Variants in ARHGEF10 observed in about 807,000 individuals in gnomAD.
ARHGEF10 encodes Rho guanine nucleotide exchange factor 10, also known as Rho guanine nucleotide exchange factor (GEF) 10.
Under a neutral mutation model 147.4 loss-of-function variants are expected in ARHGEF10, and 140 were observed. The observed-to-expected ratio is 0.95, with a 90% confidence interval of 0.83 to 1.09. ARHGEF10 has a LOEUF of 1.09. ARHGEF10 is among the 50% of genes least tolerant of loss of function. The pLI is 0.00. For synonymous variants in ARHGEF10, 902 were observed against 695.8 expected (o/e 1.30, Z -4.67); for missense variants, 2,222 against 1,752.7 (o/e 1.27, Z -4.78).
intron 2 of ARHGEF10, among the ~76,000 whole-genome samples, chr8:1,844,465 T>TCCCTGGGGCCTGGTGGACGACAGG (rs1329433075): frequency 6.6e-6 from 1 of 151,356 alleles, no homozygotes; most frequent in Non-Finnish European, 1.5e-5. Flanking sequence ...AATCCAGGGG[T>TCCCTGGGGCCTGGTGGACGACAGG]GAGCAGTGGC....
chr8:1,884,431 C>G (rs148774794), intron 10 of ARHGEF10, among the ~76,000 whole-genome samples: 2 of 152,110 alleles, frequency 1.3e-5, no homozygotes, highest in East Asian at 3.9e-4. Flanking sequence ...CCCTAACCTC[C>G]CAACCCGAGT....
At chr8:1,910,589 G>A (rs996698614) in intron 18 of ARHGEF10, among the ~76,000 whole-genome samples, 3 of 152,188 alleles carry the variant, frequency 2.0e-5, no homozygotes, top group Admixed American at 6.5e-5. Context: ...CTGTTCTGGG[G>A]GGTGGTATGG....
intron 1 of ARHGEF10, among the ~76,000 whole-genome samples, chr8:1,839,736 A>G (rs1316323554): frequency 1.0e-4 from 8 of 77,822 alleles, no homozygotes; most frequent in South Asian, 4.8e-4. Flanking sequence ...CCGGTGTGGA[A>G]GCTGTCTGGT....
intron 2 of ARHGEF10, among the ~76,000 whole-genome samples, chr8:1,854,328 C>T (rs1349817828): frequency 1.3e-5 from 2 of 152,202 alleles, no homozygotes; most frequent in Non-Finnish European, 2.9e-5. Context: ...CTGTCCTGGG[C>T]GCCCGCCGTG....
chr8:1,899,867 G>T (rs187000662), intron 15 of ARHGEF10, among the ~76,000 whole-genome samples: 17 of 152,336 alleles, frequency 1.1e-4, no homozygotes, highest in East Asian at 9.7e-4. Flanking sequence ...GAGGAAGGGG[G>T]TCAGGCCGCC....
Position 1,869,216 on chromosome 8 carries a change from T to C in ARHGEF10, c.645T>C (p.Asp215=), listed in dbSNP as rs759363800. The C allele has an allele frequency of 6.2e-7, 1 of 1,614,106 alleles. No homozygotes were observed. Among genetic ancestry groups the C allele is most frequent in the East Asian group, 2.2e-5 (1 of 44,884 alleles). Residue 215 remains aspartate, a synonymous_variant, in exon 7 of 29, where the codon GAT becomes GAC. Coordinates refer to ENST00000349830, the MANE Select transcript of ARHGEF10 (RefSeq NM_014629.4). The part of the protein sequence containing the change: ...WMENPEEAIY[D]DVPRENSDSE... ...CAGATCCAGAGGAAGCAATTTACGATGACGTTCCAAGGGAAAACTCAGACT... is the reference window on the plus strand; with the variant it reads ...CAGATCCAGAGGAAGCAATTTACGACGACGTTCCAAGGGAAAACTCAGACT...
intron 4 of ARHGEF10, among the ~76,000 whole-genome samples, chr8:1,861,048 T>A (rs1398855625): frequency 2.0e-5 from 3 of 152,226 alleles, no homozygotes; most frequent in African/African-American, 7.2e-5. Flanking sequence ...CGGTGTTCCC[T>A]GTAGCCAGGA....
chr8:1,923,208 C>A, intron 19 of ARHGEF10, 129 bp downstream of exon 19: 2 of 898,388 alleles, frequency 2.2e-6, no homozygotes, highest in South Asian at 1.6e-5. Context: ...TCTGAATGTA[C>A]ATTTTCTCTT....
chr8:1,882,885 T>A, intron 10 of ARHGEF10, 136 bp downstream of exon 10: 1 of 813,552 alleles, frequency 1.2e-6, no homozygotes, highest in Non-Finnish European at 2.0e-6. Flanking sequence ...GCTCAGTGCT[T>A]GGGTCTGAAT....
At position 1,937,378 on chromosome 8, in the gene ARHGEF10, G is replaced by A. The variant is rs1813701152; in HGVS notation, c.3222+3436G>A. On this transcript the variant is annotated intron_variant, in intron 26 of 28. Coordinates refer to ENST00000349830, the MANE Select transcript of ARHGEF10 (RefSeq NM_014629.4). The surrounding 1 kb of genome is among the most constrained non-coding windows in gnomAD (Gnocchi z 4.9). ...ATTGCGTATTTACAGAGGGAGCTCA[G>A]CCATATAGTATACGGTGATCTTGGA... Among the ~76,000 whole-genome samples the A allele has an allele frequency of 6.6e-6, 1 of 152,168 alleles. No homozygotes were observed. The highest frequency in any genetic ancestry group is 2.4e-5 in the African/African-American group (1 of 41,444).
At chr8:1,926,582 A>G (rs770818725) in intron 23 of ARHGEF10, 119 bp downstream of exon 23, 1 of 900,968 alleles carries the variant, frequency 1.1e-6, no homozygotes, top group Admixed American at 1.9e-5. Context: ...CGTATCCCAG[A>G]GTGTACTTAG....
chr8:1,935,806 A>G (rs1302958560), intron 26 of ARHGEF10, among the ~76,000 whole-genome samples: 5 of 152,228 alleles, frequency 3.3e-5, no homozygotes, highest in Non-Finnish European at 5.9e-5. Flanking sequence ...TATGCCCCAC[A>G]GAGCAGGTGA....
chr8:1,850,541 G>A (rs1188929806), intron 2 of ARHGEF10, among the ~76,000 whole-genome samples: 6 of 151,408 alleles, frequency 4.0e-5, no homozygotes, highest in Non-Finnish European at 8.8e-5. Flanking sequence ...AGGAGGGCGT[G>A]GGGCAGCTGC....
At chr8:1,832,529 GAGAC>G (rs1803204854) in intron 1 of ARHGEF10, among the ~76,000 whole-genome samples, 2 of 149,286 alleles carry the variant, frequency 1.3e-5, no homozygotes, top group Admixed American at 6.7e-5. Flanking sequence ...CAGAGGTAGA[GAGAC>G]ACAGAGGCAG....
At position 1,859,916 on chromosome 8, in the gene ARHGEF10, A is replaced by G. The variant is rs1209424661; in HGVS notation, c.213A>G (p.Gly71=). 4.3e-6 allele frequency: 7 copies of G among 1,613,996 alleles called. No individual in the cohort carries two copies. In the East Asian group the frequency reaches 1.6e-4, roughly 36 times the overall value. The stretch of plus-strand genomic sequence containing the variant: ...CCCCAGGAGGTGAGGATGGAGCTGG[A>G]GCAGAAACCACCCCAGTGGCAGAGC... The part of the protein sequence containing the change: ...PAPTGGEDGA[G]AETTPVAEPT... Residue 71 remains glycine, a synonymous_variant, in exon 4 of 29, where the codon GGA becomes GGG. Transcript: ENST00000349830.
chr8:1,843,459 CCTGTGGGTCAGGTTGTG>C (rs1804249392), intron 2 of ARHGEF10, 23 bp downstream of exon 2: 4 of 1,592,640 alleles, frequency 2.5e-6, no homozygotes, highest in Non-Finnish European at 3.4e-6. Flanking sequence ...AGTAGGTGGG[CCTGTGGGTCAGGTTGTG>C]CTGCTGCTCT....
intron 21 of ARHGEF10, 137 bp from the exon 22 acceptor site, chr8:1,925,146 A>T: frequency 9.2e-7 from 1 of 1,084,442 alleles, no homozygotes; most frequent in Non-Finnish European, 1.4e-6. Context: ...ACTGCTTTCC[A>T]CAAGTAAAAC....
At chr8:1,945,832 C>A in intron 27 of ARHGEF10, 177 bp downstream of exon 27, 1 of 1,009,340 alleles carries the variant, frequency 9.9e-7, no homozygotes, top group South Asian at 1.4e-5. Context: ...GGAGCATGGT[C>A]AGCCCACTTT....
chr8:1,885,601 A>T lies in ARHGEF10; in HGVS notation c.1076A>T (p.Asp359Val). Residue 359 changes from aspartate to valine, a missense_variant and splice_region_variant, in exon 11 of 29, where the codon GAT becomes GTT. By Grantham distance (152) the Asp-to-Val change is radical. Transcript: ENST00000349830. ...CATGCATTTTGACTTTTTTTTTAAG[A>T]TCACAGATCTTCTCTTGAGGAAGAA... The part of the protein sequence containing the change: ...FIRTKSLIAQ[D>V]HRSSLEEEQN... The T allele has an allele frequency of 6.2e-7, 1 of 1,609,636 alleles. No homozygotes were observed. Among genetic ancestry groups the T allele is most frequent in the Non-Finnish European group, 8.5e-7 (1 of 1,176,456 alleles).
Sources: allele counts gnomAD v4.1 joint callset (sites outside exome capture counted in the v4.1 genomes callset), GRCh38; gene constraint gnomAD v4.1.1; non-coding constraint Gnocchi (gnomAD v3.1); transcripts MANE v1.5; gene names NCBI Gene and HGNC (gene_info 2026-07-23, HGNC 2026-07-21).